SCHIP1: variants seen among roughly 807,000 people sequenced by gnomAD.
SCHIP1 encodes schwannomin-interacting protein 1.
In SCHIP1, 8 loss-of-function variants were observed where a neutral mutation model predicts 29.7. The observed-to-expected ratio is 0.27, with a 90% confidence interval of 0.16 to 0.49. SCHIP1 has a LOEUF of 0.49. SCHIP1 is among the 20% of genes least tolerant of loss of function. The pLI, the probability that SCHIP1 is intolerant of heterozygous loss-of-function variation, is 0.99. For missense variants in SCHIP1, 193 were observed against 294.6 expected (o/e 0.66, Z 2.52); for synonymous variants, 76 against 94.9 (o/e 0.80, Z 1.16).
the SCHIP1 span, among the ~76,000 whole-genome samples, chr3:159,280,852 G>A: frequency 6.6e-6 from 1 of 152,146 alleles, no homozygotes; most frequent in Admixed American, 6.5e-5. Context: ...CTATCTTCCA[G>A]TGTCCCACAA....
chr3:159,744,026 G>A, the SCHIP1 span, among the ~76,000 whole-genome samples: 2 of 152,198 alleles, frequency 1.3e-5, no homozygotes, highest in East Asian at 3.9e-4. Context: ...GTAAAACTAT[G>A]AGGAAAAGCA....
chr3:159,321,664 C>T, the SCHIP1 span, among the ~76,000 whole-genome samples: 2 of 151,948 alleles, frequency 1.3e-5, no homozygotes, highest in African/African-American at 4.8e-5. Flanking sequence ...GAAACTCTAC[C>T]TAATGCTAAA....
At chr3:159,717,111 C>A in the SCHIP1 span, among the ~76,000 whole-genome samples, 2 of 152,144 alleles carry the variant, frequency 1.3e-5, no homozygotes, top group African/African-American at 4.8e-5. Flanking sequence ...GGAAACTGAA[C>A]AACCTGCTCC....
At chr3:159,400,061 G>A in the SCHIP1 span, among the ~76,000 whole-genome samples, 1 of 152,204 alleles carries the variant, frequency 6.6e-6, no homozygotes, top group Non-Finnish European at 1.5e-5. Flanking sequence ...AATGCTAACG[G>A]TCTGTGGACC....
chr3:159,813,559 G>T, the SCHIP1 span, among the ~76,000 whole-genome samples: 2 of 152,066 alleles, frequency 1.3e-5, no homozygotes, highest in Non-Finnish European at 2.9e-5. Context: ...TGTGTGATGT[G>T]CTCCTGTGGT....
At chr3:159,572,636 C>T in the SCHIP1 span, among the ~76,000 whole-genome samples, 1 of 152,150 alleles carries the variant, frequency 6.6e-6, no homozygotes, top group African/African-American at 2.4e-5. Flanking sequence ...ATTAGGTCTG[C>T]TTGTTGCAGA....
chr3:159,397,345 T>G, the SCHIP1 span, among the ~76,000 whole-genome samples: 1 of 152,264 alleles, frequency 6.6e-6, no homozygotes, highest in Non-Finnish European at 1.5e-5. Flanking sequence ...TCCGTCCAGC[T>G]TTGTTCCGTT....
chr3:159,305,098 C>G, the SCHIP1 span, among the ~76,000 whole-genome samples: 1 of 152,222 alleles, frequency 6.6e-6, no homozygotes, highest in Non-Finnish European at 1.5e-5. Context: ...CAGCAGCCCC[C>G]TGTCCTGCCT....
chr3:159,779,540 G>T, the SCHIP1 span, among the ~76,000 whole-genome samples: 28 of 151,956 alleles, frequency 1.8e-4, no homozygotes, highest in African/African-American at 5.1e-4. Flanking sequence ...GGTCATGGTG[G>T]CACACACCTG....
At chr3:159,708,178 GGAAAGCACAGAGAA>G in the SCHIP1 span, among the ~76,000 whole-genome samples, 743 of 152,240 alleles carry the variant, frequency 4.9e-3, 10 homozygotes, top group Admixed American at 0.022. Flanking sequence ...AGGGGAGAGG[GGAAAGCACAGAGAA>G]GAAAGCACAA....
the SCHIP1 span, among the ~76,000 whole-genome samples, chr3:159,807,787 T>C: frequency 6.6e-6 from 1 of 152,210 alleles, no homozygotes; most frequent in African/African-American, 2.4e-5. Flanking sequence ...CAGTGTGAGT[T>C]GTGAAGGAGA....
the SCHIP1 span, among the ~76,000 whole-genome samples, chr3:159,472,290 ATGCTCATACAGCTCACAC>A: frequency 1.3e-5 from 2 of 152,198 alleles, no homozygotes; most frequent in African/African-American, 2.4e-5. Flanking sequence ...ACAACAGTAA[ATGCTCATACAGCTCACAC>A]TGTGCCGCGG....
the SCHIP1 span, among the ~76,000 whole-genome samples, chr3:159,758,429 G>A: frequency 6.6e-6 from 1 of 152,222 alleles, no homozygotes; most frequent in Admixed American, 6.5e-5. Flanking sequence ...GGGATTACAG[G>A]CGTGAGCCAC....
At chr3:159,297,621 A>G in the SCHIP1 span, among the ~76,000 whole-genome samples, 4 of 152,178 alleles carry the variant, frequency 2.6e-5, no homozygotes, top group Admixed American at 1.3e-4. Flanking sequence ...AAAAAAAGAT[A>G]TGCAGACACA....
At chr3:159,757,081 A>C in the SCHIP1 span, among the ~76,000 whole-genome samples, 1 of 152,168 alleles carries the variant, frequency 6.6e-6, no homozygotes, top group Non-Finnish European at 1.5e-5. Flanking sequence ...CTAGTTCCAA[A>C]GTCCCTTCCA....
chr3:159,840,237 G>GAGGCCT (rs1560076887), intron 1 of SCHIP1: 2 of 1,526,542 alleles, frequency 1.3e-6, no homozygotes, highest in Admixed American at 3.9e-5. Flanking sequence ...GCCTGATTCT[G>GAGGCCT]AGGCCGGCAT....
At chr3:159,773,436 A>G in the SCHIP1 span, among the ~76,000 whole-genome samples, 3 of 152,196 alleles carry the variant, frequency 2.0e-5, no homozygotes, top group Non-Finnish European at 2.9e-5. Context: ...AGCCTGACCC[A>G]GCCTCAAGTC....
chr3:159,290,136 TA>T, the SCHIP1 span, among the ~76,000 whole-genome samples: 11 of 151,460 alleles, frequency 7.3e-5, no homozygotes, highest in Non-Finnish European at 1.6e-4. Flanking sequence ...CGAAGACAAC[TA>T]AAAAAAAGGT....
the SCHIP1 span, among the ~76,000 whole-genome samples, chr3:159,612,709 T>G: frequency 1.3e-5 from 2 of 152,302 alleles, no homozygotes; most frequent in South Asian, 4.1e-4. Flanking sequence ...ATCACGCCAT[T>G]GCACTCCAGC....
Sources: allele counts gnomAD v4.1 joint callset (sites outside exome capture counted in the v4.1 genomes callset), GRCh38; gene constraint gnomAD v4.1.1; transcripts MANE v1.5; gene names NCBI Gene and HGNC (gene_info 2026-07-23, HGNC 2026-07-21).